Variants in KLF8 observed in about 807,000 individuals in gnomAD.
KLF8 encodes KLF transcription factor 8.
In KLF8, 10 loss-of-function variants were observed where a neutral mutation model predicts 18.2. The observed-to-expected ratio is 0.55, with a 90% CI of 0.34 to 0.93. KLF8 has a LOEUF of 0.93. KLF8 is among the 40% of genes least tolerant of loss of function. KLF8 has a pLI of 0.02. For synonymous variants in KLF8, 109 were observed against 97.3 expected (o/e 1.12, Z -0.71); for missense variants, 264 against 277.9 (o/e 0.95, Z 0.36).
chrX:56,176,739 C>T, the KLF8 span, among the ~76,000 whole-genome samples: 3 of 111,735 alleles, frequency 2.7e-5, no homozygotes, highest in Admixed American at 1.9e-4. Context: ...TTCAAGTACA[C>T]CAATCAGACG....
the KLF8 span, among the ~76,000 whole-genome samples, chrX:56,222,670 G>A: frequency 8.9e-6 from 1 of 112,912 alleles, no homozygotes; most frequent in African/African-American, 3.2e-5. Flanking sequence ...GCTCGTTGGG[G>A]AGGCTTGGGC....
At chrX:55,951,068 G>C in the KLF8 span, among the ~76,000 whole-genome samples, 1 of 111,833 alleles carries the variant, frequency 8.9e-6, no homozygotes, top group African/African-American at 3.2e-5. Context: ...GGAGTTCATA[G>C]AGTTTCCAGA....
At chrX:56,044,349 C>A in the KLF8 span, among the ~76,000 whole-genome samples, 1 of 112,176 alleles carries the variant, frequency 8.9e-6, no homozygotes, top group Non-Finnish European at 1.9e-5. Context: ...TGTTGTGTTG[C>A]AGGGTTTACT....
chrX:56,062,587 C>A, the KLF8 span, among the ~76,000 whole-genome samples: 1 of 112,000 alleles, frequency 8.9e-6, no homozygotes, highest in Non-Finnish European at 1.9e-5. Context: ...TTGTGGGTAA[C>A]CACACCTTTC....
chrX:55,909,154 C>T, the KLF8 span, among the ~76,000 whole-genome samples: 1 of 112,127 alleles, frequency 8.9e-6, no homozygotes, highest in African/African-American at 3.2e-5. Context: ...CTCCATCTTG[C>T]CTGGCTTCTT....
the KLF8 span, among the ~76,000 whole-genome samples, chrX:56,042,273 G>A: frequency 2.7e-5 from 3 of 111,783 alleles, no homozygotes; most frequent in African/African-American, 6.5e-5. Flanking sequence ...TGCATTTGCC[G>A]AGGAGTGTTT....
At chrX:55,957,184 A>T in the KLF8 span, among the ~76,000 whole-genome samples, 1 of 111,495 alleles carries the variant, frequency 9.0e-6, no homozygotes, top group Admixed American at 9.6e-5. Flanking sequence ...CACCCCTGGC[A>T]AATATCGTTT....
At chrX:56,179,078 A>G in the KLF8 span, among the ~76,000 whole-genome samples, 1 of 112,007 alleles carries the variant, frequency 8.9e-6, no homozygotes, top group African/African-American at 3.2e-5. Context: ...CTTGGGCAGT[A>G]TGGCCATTTT....
chrX:56,209,618 C>A, the KLF8 span, among the ~76,000 whole-genome samples: 2 of 111,358 alleles, frequency 1.8e-5, no homozygotes, highest in East Asian at 2.8e-4. Flanking sequence ...GATTCCATCT[C>A]CAAAAAGAAA....
the KLF8 span, among the ~76,000 whole-genome samples, chrX:56,062,568 G>A: frequency 8.5e-3 from 953 of 112,020 alleles, 12 homozygotes; most frequent in African/African-American, 0.03. Flanking sequence ...TAGTCTGATG[G>A]CCTTCTTTTT....
Position 56,265,358 on chromosome X carries a change from T to C in KLF8, c.260T>C (p.Val87Ala), listed in dbSNP as rs1361224783. The change falls in exon 3 of 6, where the codon GTT becomes GCT. Residue 87 changes from valine to alanine, a missense_variant. This residue lies in a region of KLF8 where 221 missense variants were observed against 193.6 expected (regional missense o/e 1.14). Coordinates refer to ENST00000468660, the MANE Select transcript of KLF8 (RefSeq NM_007250.5). The stretch of plus-strand genomic sequence containing the variant: ...TTCAGCCTGCCCCAAGTGGAACCAG[T>C]TGACCTCTCCTTTCACAAGCCCAAG... ...SDFSLPQVEP[V>A]DLSFHKPKAP... The C allele has an allele frequency of 8.3e-7, 1 of 1,208,138 alleles. No homozygotes were observed. Among genetic ancestry groups the C allele is most frequent in the Non-Finnish European group, 1.1e-6 (1 of 894,501 alleles).
At chrX:56,079,083 C>A in the KLF8 span, among the ~76,000 whole-genome samples, 1 of 111,106 alleles carries the variant, frequency 9.0e-6, no homozygotes, top group Non-Finnish European at 1.9e-5. Flanking sequence ...TTGATCCTTT[C>A]AAAAAACCAG....
At chrX:56,169,511 G>T in the KLF8 span, among the ~76,000 whole-genome samples, 5 of 110,655 alleles carry the variant, frequency 4.5e-5, no homozygotes, top group Admixed American at 2.9e-4. Context: ...GTCATAAGCT[G>T]ACTGAAGAGC....
chrX:56,226,172 G>C, the KLF8 span, among the ~76,000 whole-genome samples: 1 of 111,939 alleles, frequency 8.9e-6, no homozygotes, highest in Non-Finnish European at 1.9e-5. Context: ...GGGCAAGGTT[G>C]CTTCATATTT....
chrX:55,986,569 A>G, the KLF8 span, among the ~76,000 whole-genome samples: 1 of 112,022 alleles, frequency 8.9e-6, no homozygotes, highest in South Asian at 3.7e-4. Context: ...TTCACTTGCA[A>G]CTTTCATTCT....
the KLF8 span, among the ~76,000 whole-genome samples, chrX:56,054,523 G>A: frequency 8.9e-6 from 1 of 111,908 alleles, no homozygotes; most frequent in Non-Finnish European, 1.9e-5. Flanking sequence ...ATTGATTTTA[G>A]AGTATTTGTC....
At chrX:55,961,524 G>A in the KLF8 span, 924 of 545,602 alleles carry the variant, frequency 1.7e-3, 6 homozygotes, top group African/African-American at 0.018. Flanking sequence ...AATTTTGCAC[G>A]GCATCTGCAG....
chrX:56,123,670 A>T, the KLF8 span, among the ~76,000 whole-genome samples: 1 of 111,940 alleles, frequency 8.9e-6, no homozygotes, highest in African/African-American at 3.2e-5. Context: ...AATTTAGCTG[A>T]CCCCTTCTCA....
the KLF8 span, among the ~76,000 whole-genome samples, chrX:56,164,729 C>CTTTTTTTTTTTTTTTTTTTTAATTTTT: frequency 1.9e-5 from 1 of 51,903 alleles, no homozygotes; most frequent in Admixed American, 2.5e-4. Context: ...CTTGTTATCT[C>CTTTTTTTTTTTTTTTTTTTTAATTTTT]TTTTTTTTTT....
Sources: gnomAD v4.1 joint callset for allele counts (sites outside exome capture counted in the v4.1 genomes callset) on GRCh38, gnomAD v4.1.1 for gene constraint, gnomAD v4.1.1 regional missense constraint, MANE v1.5 for transcripts, NCBI Gene and HGNC (gene_info 2026-07-23, HGNC 2026-07-21) for gene names.